ENDOD1: variants seen among roughly 807,000 people sequenced by gnomAD.
The protein encoded by ENDOD1 is endonuclease domain-containing 1 protein.
ENDOD1 carries 9 observed loss-of-function variants against 6.5 expected under a neutral mutation model. The ratio of observed to expected loss-of-function variants is 1.39; its 90% confidence interval spans 0.84 to 2.43. The LOEUF (loss-of-function observed/expected upper bound fraction) is 2.43, where lower values mean the gene tolerates loss of function less well. Ranked by LOEUF, ENDOD1 falls within the 30% of genes most tolerant of loss-of-function variation. ENDOD1 has a pLI of 0.00. For synonymous variants in ENDOD1, 255 were observed against 255.2 expected (o/e 1.00, Z 0.01); for missense variants, 648 against 635.5 (o/e 1.02, Z -0.21).
chr11:95,110,663 C>CT (rs1243574372), intron 1 of ENDOD1, among the ~76,000 whole-genome samples: 1 of 152,044 alleles, frequency 6.6e-6, no homozygotes, highest in Non-Finnish European at 1.5e-5. Flanking sequence ...CCTCTCTCCC[C>CT]TTTTCCATTC....
chr11:95,129,657 A>G lies in ENDOD1; in HGVS notation c.*78A>G. On this transcript the variant is annotated 3_prime_UTR_variant, in exon 2 of 2. Coordinates refer to ENST00000278505, the MANE Select transcript of ENDOD1 (RefSeq NM_015036.3). Reference sequence around the variant, plus strand: ...TTGTCTTTACAATGGGTTTCTGTTCACTGTCAGTTATCATTATATTTTGGC... The same window carrying G: ...TTGTCTTTACAATGGGTTTCTGTTCGCTGTCAGTTATCATTATATTTTGGC... The G allele has an allele frequency of 6.8e-7, 1 of 1,473,706 alleles. No homozygotes were observed. Among genetic ancestry groups the G allele is most frequent in the Non-Finnish European group, 9.2e-7 (1 of 1,091,418 alleles). The allele number at this position is 1,473,706 out of a possible 1,614,324, so 91.3% of individuals were successfully genotyped here.
chr11:95,098,961 A>T (rs1859011944), intron 1 of ENDOD1, among the ~76,000 whole-genome samples: 2 of 152,180 alleles, frequency 1.3e-5, no homozygotes, highest in Admixed American at 1.3e-4. Flanking sequence ...TTAAAAGTTC[A>T]CATGTTCATT....
At chr11:95,108,781 G>C (rs1472763137) in intron 1 of ENDOD1, among the ~76,000 whole-genome samples, 2 of 151,972 alleles carry the variant, frequency 1.3e-5, no homozygotes, top group Non-Finnish European at 2.9e-5. Flanking sequence ...TCCTTCCCTC[G>C]CTGGGTATTT....
chr11:95,129,342 C>T lies in ENDOD1; in HGVS notation c.1266C>T (p.Ala422=). ...GGATCCTTTGTTGTCTGCTGAAGGC[C>T]ATTTGCCGAGTTCTGAGCATCCCTG... ...LLRILCCLLK[A]ICRVLSIPVR... is the part of the protein sequence containing the mutation. The change falls in exon 2 of 2, where the codon GCC becomes GCT. Residue 422 remains alanine, a synonymous_variant. Coordinates refer to ENST00000278505, the MANE Select transcript of ENDOD1 (RefSeq NM_015036.3). 6.2e-7 allele frequency: 1 copy of T among 1,614,194 alleles called. No individual in the cohort carries two copies. Among genetic ancestry groups the T allele is most frequent in the South Asian group, 1.1e-5 (1 of 91,084 alleles).
chr11:95,128,993 C>T lies in ENDOD1; in HGVS notation c.917C>T (p.Ser306Phe), dbSNP rs61734147. 2.1e-4 allele frequency: 337 copies of T among 1,614,034 alleles called. No individual in the cohort carries two copies. In the African/African-American group the frequency reaches 4.2e-3, roughly 20 times the overall value. Residue 306 changes from serine (S) to phenylalanine (F), a missense_variant, in exon 2 of 2, where the codon TCT (serine) becomes TTT (phenylalanine). Physicochemically the swap from Ser to Phe is radical, Grantham distance 155. Coordinates refer to ENST00000278505, the MANE Select transcript of ENDOD1 (RefSeq NM_015036.3). ...TCTCAAAAGAGTTCTAGTCCCCTTT[C>T]TAGCACCAGGAGCAAGAGGTCTACT... is the stretch of plus-strand genomic sequence containing the variant. ...VQSQKSSSPL[S>F]STRSKRSTLL...
intron 1 of ENDOD1, among the ~76,000 whole-genome samples, chr11:95,126,648 C>G (rs1279042717): frequency 6.6e-6 from 1 of 152,138 alleles, no homozygotes; most frequent in African/African-American, 2.4e-5. Flanking sequence ...ATTTTCTTAT[C>G]ATTACGAACC....
At position 95,128,317 on chromosome 11, in the gene ENDOD1, C is replaced by G; in HGVS notation, c.301-60C>G. ...TCTCCAGAGTCTGGGCAGGATGATT[C>G]TAGTGCTGCCTCTGTGCTGTAAGCA... On this transcript the variant is annotated intron_variant, in intron 1 of 1. Transcript: ENST00000278505. 3.2e-6 allele frequency: 5 copies of G among 1,559,032 alleles called. No individual in the cohort carries two copies. The South Asian group carries it at 3.7e-5, about 12-fold the overall frequency.
chr11:95,126,754 C>T (rs992665158), intron 1 of ENDOD1, among the ~76,000 whole-genome samples: 1 of 152,168 alleles, frequency 6.6e-6, no homozygotes, highest in Non-Finnish European at 1.5e-5. Flanking sequence ...AGTCTCTGCT[C>T]ACTGCATCCT....
chr11:95,116,557 T>C (rs111649155), intron 1 of ENDOD1, among the ~76,000 whole-genome samples: 1 of 152,212 alleles, frequency 6.6e-6, no homozygotes, highest in Non-Finnish European at 1.5e-5. Context: ...GCTTGTCTAG[T>C]ACTTTAAGAT....
At chr11:95,126,736 A>G (rs1859315429) in intron 1 of ENDOD1, among the ~76,000 whole-genome samples, 1 of 152,162 alleles carries the variant, frequency 6.6e-6, no homozygotes, top group Non-Finnish European at 1.5e-5. Flanking sequence ...GTCGGAGTGC[A>G]GTTGCACAGT....
chr11:95,093,936 G>A (rs1591007898), intron 1 of ENDOD1, among the ~76,000 whole-genome samples: 1 of 152,152 alleles, frequency 6.6e-6, no homozygotes, highest in South Asian at 2.1e-4. Flanking sequence ...CCAGAAACCT[G>A]AGAACTGGAT....
intron 1 of ENDOD1, among the ~76,000 whole-genome samples, chr11:95,098,319 A>G (rs1367138095): frequency 6.6e-6 from 1 of 152,194 alleles, no homozygotes; most frequent in African/African-American, 2.4e-5. Flanking sequence ...AAATTTGTTA[A>G]GAGAGTAGAT....
At position 95,089,865 on chromosome 11, in the gene ENDOD1, G is replaced by A; in HGVS notation, c.-63G>A. ...GGCTGCGTAGTGCGCTCCCCGCCCAGCCTGCAGAGCTCGCGCCGCGGCAGC... is the reference window on the plus strand; with the variant it reads ...GGCTGCGTAGTGCGCTCCCCGCCCAACCTGCAGAGCTCGCGCCGCGGCAGC... On this transcript the variant is annotated 5_prime_UTR_variant, in exon 1 of 2. Coordinates refer to ENST00000278505, the MANE Select transcript of ENDOD1 (RefSeq NM_015036.3). 1 of 1,276,388 alleles carries A rather than the reference G, an allele frequency of 7.8e-7. No homozygotes were observed. The highest frequency in any genetic ancestry group is 9.9e-7 in the Non-Finnish European group (1 of 1,009,584). The allele number at this position is 1,276,388 out of a possible 1,614,324, so 79.1% of individuals were successfully genotyped here. A position where few individuals can be genotyped will look rare whatever the true frequency, so the allele number is the denominator to read the frequency against.
intron 1 of ENDOD1, among the ~76,000 whole-genome samples, chr11:95,103,527 C>T (rs911641944): frequency 1.3e-5 from 2 of 152,124 alleles, no homozygotes; most frequent in Non-Finnish European, 2.9e-5. Flanking sequence ...AGTCCCTGCC[C>T]TTGGGTGTCT....
chr11:95,122,391 C>CA (rs1430899950), intron 1 of ENDOD1, among the ~76,000 whole-genome samples: 1 of 134,838 alleles, frequency 7.4e-6, no homozygotes, highest in Non-Finnish European at 1.6e-5. Context: ...CCTGGCTTTT[C>CA]TTTTTTTTTT....
intron 1 of ENDOD1, among the ~76,000 whole-genome samples, chr11:95,113,250 A>G (rs1483595313): frequency 6.6e-6 from 1 of 152,192 alleles, no homozygotes; most frequent in Non-Finnish European, 1.5e-5. Context: ...CAATCCAATT[A>G]TATTATTATA....
rs774097609 is a variant in ENDOD1 at position 95,128,842 on chromosome 11, A to C, written c.766A>C (p.Lys256Gln). Reference sequence around the variant, plus strand: ...AGATGTGATGGTAAAAGATCTTCAGAAACTGCTTCCATTTAACCCTCAGCT... The same window carrying C: ...AGATGTGATGGTAAAAGATCTTCAGCAACTGCTTCCATTTAACCCTCAGCT... ...IEDVMVKDLQ[K>Q]LLPFNPQLFQ... Residue 256 changes from lysine (K) to glutamine (Q), a missense_variant, in exon 2 of 2, where the codon AAA becomes CAA. Coordinates refer to ENST00000278505, the MANE Select transcript of ENDOD1 (RefSeq NM_015036.3). 5.0e-6 allele frequency: 8 copies of C among 1,614,122 alleles called. No homozygotes were observed. Among genetic ancestry groups the C allele is most frequent in the Non-Finnish European group, 6.8e-6 (8 of 1,180,054 alleles).
At chr11:95,114,684 TG>T (rs1382217083) in intron 1 of ENDOD1, among the ~76,000 whole-genome samples, 1 of 152,184 alleles carries the variant, frequency 6.6e-6, no homozygotes, top group African/African-American at 2.4e-5. Flanking sequence ...AATAACAGAT[TG>T]GGGTCTGCTT....
At chr11:95,112,897 C>T (rs1249512698) in intron 1 of ENDOD1, among the ~76,000 whole-genome samples, 11 of 152,060 alleles carry the variant, frequency 7.2e-5, no homozygotes, top group Non-Finnish European at 7.4e-5. Flanking sequence ...TTTATTGATG[C>T]GAAGGCCCAT....
Sources: allele counts gnomAD v4.1 joint callset (sites outside exome capture counted in the v4.1 genomes callset), GRCh38; gene constraint gnomAD v4.1.1; transcripts MANE v1.5; gene names NCBI Gene and HGNC (gene_info 2026-07-23, HGNC 2026-07-21).